ADGRL2: variants seen among roughly 807,000 people sequenced by gnomAD.
ADGRL2 encodes the protein calcium-independent alpha-latrotoxin receptor 2.
In ADGRL2, 44 loss-of-function variants were observed where a neutral mutation model predicts 157.4. The observed-to-expected ratio is 0.28, with a 90% CI of 0.22 to 0.36. The LOEUF is 0.36. ADGRL2 is among the 10% of genes least tolerant of loss of function. The probability of loss-of-function intolerance (pLI) is 1.00; values close to 1 mark genes in which losing one functional copy is unlikely to be tolerated. For missense variants in ADGRL2, 1,510 were observed against 1,768.9 expected, an observed-to-expected ratio of 0.85 and a Z score of 2.63; for synonymous variants, 585 against 624.7, an observed-to-expected ratio of 0.94 and a Z score of 0.95.
chr1:81,391,354 T>C (rs1246623994), intron 1 of ADGRL2, among the ~76,000 whole-genome samples: 1 of 152,310 alleles, frequency 6.6e-6, no homozygotes, highest in African/African-American at 2.4e-5. Context: ...CTCTGCGATT[T>C]TACTATTGTA....
At chr1:81,496,695 C>A (rs930646062) in intron 2 of ADGRL2, among the ~76,000 whole-genome samples, 1 of 151,138 alleles carries the variant, frequency 6.6e-6, no homozygotes, top group African/African-American at 2.4e-5. Flanking sequence ...CCTTAGAATT[C>A]CCATACAAGG....
chr1:81,947,708 G>A (rs113577245), intron 6 of ADGRL2, among the ~76,000 whole-genome samples: 5 of 152,118 alleles, frequency 3.3e-5, no homozygotes, highest in African/African-American at 1.2e-4. Flanking sequence ...AAATATATCT[G>A]CATTTCTAGC....
intron 2 of ADGRL2, among the ~76,000 whole-genome samples, chr1:81,451,487 TCTTTCTAGCC>T (rs2077702003): frequency 6.6e-6 from 1 of 152,210 alleles, no homozygotes; most frequent in African/African-American, 2.4e-5. Context: ...TTTTTGTATT[TCTTTCTAGCC>T]CTTTTCTATT....
intron 1 of ADGRL2, among the ~76,000 whole-genome samples, chr1:81,398,060 T>A (rs986619527): frequency 3.9e-5 from 6 of 152,198 alleles, no homozygotes; most frequent in African/African-American, 1.4e-4. Flanking sequence ...CTTTATATAA[T>A]GACCTTCTTT....
intron 1 of ADGRL2, among the ~76,000 whole-genome samples, chr1:81,365,201 A>G (rs145761227): frequency 2.0e-5 from 3 of 152,322 alleles, no homozygotes; most frequent in South Asian, 2.1e-4. Context: ...TCAGTCCAAC[A>G]GAGTTAAGCC....
chr1:81,870,250 T>C (rs1428943395), intron 2 of ADGRL2, among the ~76,000 whole-genome samples: 1 of 152,004 alleles, frequency 6.6e-6, no homozygotes, highest in Non-Finnish European at 1.5e-5. Flanking sequence ...ATTACATAAA[T>C]TGAAATACCT....
chr1:81,850,721 A>C (rs550604782), intron 2 of ADGRL2, among the ~76,000 whole-genome samples: 1 of 152,076 alleles, frequency 6.6e-6, no homozygotes, highest in East Asian at 1.9e-4. Flanking sequence ...AGCCACAAGT[A>C]GTTATTGAAC....
In ADGRL2 at chr1:81,368,209, A is replaced by G. The variant is rs138156068; in HGVS notation, c.-302+61700A>G. 6.0e-3 allele frequency among the ~76,000 whole-genome samples: 914 copies of G among 152,256 alleles called. 9 individuals carry two copies. The highest frequency in any genetic ancestry group is 0.021 in the African/African-American group (860 of 41,552). On this transcript the variant is annotated intron_variant, in intron 1 of 24. Coordinates refer to the ADGRL2 transcript ENST00000370721. ...GCATCTGATGTTTCTTGACTTTTTAATAATCACCATTCTGACTGGCATGAG... is the reference window on the plus strand; with the variant it reads ...GCATCTGATGTTTCTTGACTTTTTAGTAATCACCATTCTGACTGGCATGAG...
At chr1:81,386,176 A>G (rs775437608) in intron 1 of ADGRL2, among the ~76,000 whole-genome samples, 1 of 152,188 alleles carries the variant, frequency 6.6e-6, no homozygotes, top group Non-Finnish European at 1.5e-5. Context: ...ATTCAAAGGT[A>G]ATCTAATGAC....
chr1:81,324,917 G>A (rs1019419250), intron 1 of ADGRL2, among the ~76,000 whole-genome samples: 4 of 151,920 alleles, frequency 2.6e-5, no homozygotes, highest in Non-Finnish European at 4.4e-5. Flanking sequence ...GGGTTTTACA[G>A]TGTTGGCTAG....
intron 2 of ADGRL2, among the ~76,000 whole-genome samples, chr1:81,567,441 T>A (rs907894910): frequency 1.3e-5 from 2 of 152,116 alleles, no homozygotes; most frequent in African/African-American, 4.8e-5. Flanking sequence ...GTCTGATCTA[T>A]ATCATGAATA....
rs1664426702 is a variant in ADGRL2 at position 81,990,641 on chromosome 1, A to G, written c.3906A>G (p.Gly1302=). 1 of 1,614,054 alleles carries G rather than the reference A, an allele frequency of 6.2e-7. No individual in the cohort carries two copies. The highest frequency in any genetic ancestry group is 2.2e-5 in the East Asian group (1 of 44,876). The stretch of plus-strand genomic sequence containing the variant: ...CGCTACCAGTCAAACCTGTGATTGG[A>G]GGTAGCAGCAGTGAAGATGATGCTA... ...ELTLPVKPVI[G]GSSSEDDAIV... The change falls in exon 24 of 24, where the codon GGA becomes GGG. Residue 1302 remains glycine, a synonymous_variant. Coordinates refer to ENST00000686636, the MANE Select transcript of ADGRL2 (RefSeq NM_001366006.2).
chr1:81,665,138 A>T (rs1263547439), intron 3 of ADGRL2, among the ~76,000 whole-genome samples: 2 of 152,146 alleles, frequency 1.3e-5, no homozygotes, highest in Non-Finnish European at 2.9e-5. Flanking sequence ...TCTGCATGGC[A>T]TTTTCAAAAA....
At chr1:81,547,929 A>G (rs1335331023) in intron 2 of ADGRL2, among the ~76,000 whole-genome samples, 1 of 152,238 alleles carries the variant, frequency 6.6e-6, no homozygotes. Flanking sequence ...TATGTCAGAT[A>G]CTGTGCATCA....
chr1:81,792,291 G>A (rs2087388097), intron 2 of ADGRL2, among the ~76,000 whole-genome samples: 1 of 152,130 alleles, frequency 6.6e-6, no homozygotes, highest in African/African-American at 2.4e-5. Context: ...TAGCACAAAT[G>A]GCCTTCTAAC....
intron 2 of ADGRL2, among the ~76,000 whole-genome samples, chr1:81,457,676 C>T (rs1456671101): frequency 6.6e-6 from 1 of 151,980 alleles, no homozygotes; most frequent in Non-Finnish European, 1.5e-5. Flanking sequence ...GATTTCCAGC[C>T]AAATGAATTT....
Position 81,320,717 on chromosome 1 carries a change from A to G in ADGRL2, c.-302+14208A>G, listed in dbSNP as rs190028683. Reference sequence around the variant, plus strand: ...TAAAATATTCAGTAAACCATGCTGTAAGCAGACATGCTGTCATCCAGGCTT... The same window carrying G: ...TAAAATATTCAGTAAACCATGCTGTGAGCAGACATGCTGTCATCCAGGCTT... On this transcript the variant is annotated intron_variant, in intron 1 of 24. Coordinates refer to the ADGRL2 transcript ENST00000370721. Among the ~76,000 whole-genome samples, 14 of 152,348 alleles carry G rather than the reference A, an allele frequency of 9.2e-5. No homozygotes were observed. In the East Asian group the frequency reaches 2.3e-3, roughly 25 times the overall value.
intron 2 of ADGRL2, among the ~76,000 whole-genome samples, chr1:81,781,952 G>A (rs2086831021): frequency 6.6e-6 from 1 of 152,194 alleles, no homozygotes; most frequent in African/African-American, 2.4e-5. Flanking sequence ...ACCTCCTGCA[G>A]GCAGGATGGG....
chr1:81,599,588 T>C (rs1029797458), intron 3 of ADGRL2, among the ~76,000 whole-genome samples: 26 of 152,180 alleles, frequency 1.7e-4, no homozygotes, highest in African/African-American at 6.3e-4. Context: ...CCAGTGATAA[T>C]GGAATTAGAA....
Sources: gnomAD v4.1 joint callset for allele counts (sites outside exome capture counted in the v4.1 genomes callset) on GRCh38, gnomAD v4.1.1 for gene constraint, MANE v1.5 for transcripts, NCBI Gene and HGNC (gene_info 2026-07-23, HGNC 2026-07-21) for gene names.